Variants in CNTLN observed in about 807,000 individuals in gnomAD.
The protein encoded by CNTLN is centlein, centrosomal protein.
In CNTLN, 212 loss-of-function variants were observed where a neutral mutation model predicts 180.0. That is an observed-to-expected ratio of 1.18 (90% CI 1.05 to 1.32). The LOEUF (loss-of-function observed/expected upper bound fraction) is 1.32, where lower values mean the gene tolerates loss of function less well. Ranked by LOEUF, CNTLN falls within the 40% of genes most tolerant of loss-of-function variation. The pLI, the probability that CNTLN is intolerant of heterozygous loss-of-function variation, is 0.00. For synonymous variants in CNTLN, 722 were observed against 563.1 expected (o/e 1.28, Z -3.99); for missense variants, 2,095 against 1,610.9 (o/e 1.30, Z -5.14).
rs1449840978 is a variant in CNTLN, at chr9:17,273,829, G to GA, written c.948dup (p.Leu317ThrfsTer60). On this transcript the variant is annotated frameshift_variant, in exon 6 of 26. Coordinates refer to ENST00000380647, the MANE Select transcript of CNTLN (RefSeq NM_017738.4). LOFTEE classifies it high-confidence loss of function. ...ATTACAGTTGAGTAATAAACAGACT[G>GA]AACTTATCCAGAAGGATATGGATAT... is the stretch of plus-strand genomic sequence containing the variant. 6.4e-7 allele frequency: 1 copy of GA among 1,571,804 alleles called. No homozygotes were observed. The highest frequency in any genetic ancestry group is 2.0e-5 in the Admixed American group (1 of 49,706).
chr9:17,174,804 CTTCACCAGTA>C (rs1182700489), intron 2 of CNTLN, among the ~76,000 whole-genome samples: 10 of 152,050 alleles, frequency 6.6e-5, no homozygotes, highest in African/African-American at 2.4e-4. Flanking sequence ...TTATCTGCTT[CTTCACCAGTA>C]TTTGGTGTCA....
rs1046031919 is a variant in CNTLN at position 17,475,839 on chromosome 9, C to G, written c.3856-8456C>G. 1.4e-4 allele frequency among the ~76,000 whole-genome samples: 21 copies of G among 145,608 alleles called. No homozygotes were observed. The Admixed American group carries it at 1.5e-3, about 10-fold the overall frequency. ...AGTGAGCCAAGATCGCGCCACTGCA[C>G]TCCAGCCTGGGTGACAGAGCAAGAC... is the stretch of plus-strand genomic sequence containing the variant. On this transcript the variant is annotated intron_variant, in intron 23 of 25. Coordinates refer to ENST00000380647, the MANE Select transcript of CNTLN (RefSeq NM_017738.4).
chr9:17,456,733 A>G (rs565746863), intron 18 of CNTLN, among the ~76,000 whole-genome samples: 1 of 152,288 alleles, frequency 6.6e-6, no homozygotes, highest in African/African-American at 2.4e-5. Context: ...ATAATAAAAT[A>G]GTAATGCAAA....
chr9:17,200,129 G>T (rs992543145), intron 2 of CNTLN, among the ~76,000 whole-genome samples: 5 of 151,976 alleles, frequency 3.3e-5, no homozygotes, highest in African/African-American at 4.8e-5. Flanking sequence ...GTCAGGTTTG[G>T]CAAAGATCAG....
At chr9:17,187,997 CTATATATATACACCATATATATATATA>C (rs1212234675) in intron 2 of CNTLN, among the ~76,000 whole-genome samples, 2 of 124,638 alleles carry the variant, frequency 1.6e-5, no homozygotes, top group East Asian at 4.2e-4. Context: ...TATATATACA[CTATATATATACACCATATATATATATA>C]TATATATACA....
At chr9:17,479,672 T>C (rs1032256852) in intron 23 of CNTLN, among the ~76,000 whole-genome samples, 6 of 152,160 alleles carry the variant, frequency 3.9e-5, no homozygotes, top group African/African-American at 1.4e-4. Flanking sequence ...AGAGTAGGTC[T>C]CATGCTAAGT....
intron 8 of CNTLN, among the ~76,000 whole-genome samples, chr9:17,316,267 G>A (rs962122975): frequency 6.6e-6 from 1 of 151,636 alleles, no homozygotes; most frequent in African/African-American, 2.4e-5. Context: ...GCTTCCTTTT[G>A]GTAACTGTTT....
In CNTLN at chr9:17,274,453, ATATCTATCTATCTATC is replaced by A. The variant is rs71331478; in HGVS notation, c.983+623_983+638del. The stretch of plus-strand genomic sequence containing the variant: ...GAACTTTTCCTTGGTTCATAGATCA[ATATCTATCTATCTATC>A]TATCTATCTATCTATCTATCTATCT... On this transcript the variant is annotated intron_variant, in intron 6 of 25. Transcript: ENST00000380647. 2.0e-3 allele frequency among the ~76,000 whole-genome samples: 281 copies of A among 138,888 alleles called. 4 individuals are homozygous for A. In the East Asian group the frequency reaches 0.051, roughly 25 times the overall value. 91.1% of individuals were successfully genotyped at this position (138,888 alleles called of 152,430 possible).
intron 18 of CNTLN, among the ~76,000 whole-genome samples, chr9:17,455,241 C>T (rs928764395): frequency 6.6e-6 from 1 of 152,144 alleles, no homozygotes; most frequent in African/African-American, 2.4e-5. Context: ...TCTATTTCAA[C>T]AGATGCTGCA....
At chr9:17,293,026 G>A (rs670509) in intron 6 of CNTLN, among the ~76,000 whole-genome samples, 18,161 of 152,116 alleles carry the variant, frequency 0.12, 1,367 homozygotes, top group African/African-American at 0.21. Flanking sequence ...CCCCTCTTCC[G>A]GAGGGCTGCT....
chr9:17,513,096 G>A, the CNTLN span, among the ~76,000 whole-genome samples: 2 of 152,090 alleles, frequency 1.3e-5, no homozygotes, highest in South Asian at 2.1e-4. Context: ...TGGGATTACA[G>A]GCCACGGTGC....
At chr9:17,179,320 A>G (rs1185234317) in intron 2 of CNTLN, among the ~76,000 whole-genome samples, 1 of 151,402 alleles carries the variant, frequency 6.6e-6, no homozygotes, top group African/African-American at 2.4e-5. Context: ...TACACCTTTA[A>G]TTTTATAAAT....
chr9:17,419,529 C>T (rs555916323), intron 18 of CNTLN, among the ~76,000 whole-genome samples: 2 of 152,208 alleles, frequency 1.3e-5, no homozygotes, highest in South Asian at 4.2e-4. Flanking sequence ...TTATGCTTCT[C>T]AGGTCATACA....
At chr9:17,188,943 G>A (rs1340365228) in intron 2 of CNTLN, among the ~76,000 whole-genome samples, 1 of 151,106 alleles carries the variant, frequency 6.6e-6, no homozygotes, top group Non-Finnish European at 1.5e-5. Flanking sequence ...TTTTTGGTTT[G>A]ATACTTGACA....
chr9:17,444,453 G>A (rs1329631079), intron 18 of CNTLN, among the ~76,000 whole-genome samples: 2 of 152,128 alleles, frequency 1.3e-5, no homozygotes, highest in African/African-American at 2.4e-5. Flanking sequence ...CTATTGGGCA[G>A]GACTGATTTA....
intron 2 of CNTLN, among the ~76,000 whole-genome samples, chr9:17,196,228 T>C (rs936505500): frequency 6.6e-6 from 1 of 152,094 alleles, no homozygotes; most frequent in Non-Finnish European, 1.5e-5. Flanking sequence ...TTCATCATCT[T>C]GGTCAGGCTA....
chr9:17,188,797 T>C (rs934891273), intron 2 of CNTLN, among the ~76,000 whole-genome samples: 3 of 152,120 alleles, frequency 2.0e-5, no homozygotes, highest in African/African-American at 7.2e-5. Flanking sequence ...TCTTTTAAAT[T>C]ATTGAGTATC....
chr9:17,335,139 T>G (rs1297050909), intron 10 of CNTLN, among the ~76,000 whole-genome samples: 1 of 152,198 alleles, frequency 6.6e-6, no homozygotes, highest in African/African-American at 2.4e-5. Context: ...TTCAACAGAT[T>G]AAATGACATC....
intron 18 of CNTLN, among the ~76,000 whole-genome samples, chr9:17,448,739 C>T (rs1830599586): frequency 6.6e-6 from 1 of 152,128 alleles, no homozygotes; most frequent in South Asian, 2.1e-4. Flanking sequence ...TCACTTAAAA[C>T]ATCTTTAAAT....
Sources: allele counts gnomAD v4.1 joint callset (sites outside exome capture counted in the v4.1 genomes callset), GRCh38; gene constraint gnomAD v4.1.1; transcripts MANE v1.5; gene names NCBI Gene and HGNC (gene_info 2026-07-23, HGNC 2026-07-21).